The following CCDC77 variants were observed in gnomAD, a reference collection of about 807,000 sequenced individuals.
The protein encoded by CCDC77 is coiled-coil domain containing 77, also known as coiled-coil domain-containing protein 77.
CCDC77 carries 56 observed loss-of-function variants against 66.8 expected under a neutral mutation model. That is an observed-to-expected ratio of 0.84 (90% confidence interval 0.68 to 1.05). CCDC77 has a LOEUF of 1.05. Among genes scored for constraint, CCDC77 ranks in the 50% least tolerant of loss-of-function variants. CCDC77 has a pLI of 0.00. For missense variants in CCDC77, 570 were observed against 576.8 expected, an observed-to-expected ratio of 0.99 and a Z score of 0.12; for synonymous variants, 196 against 195.2, an observed-to-expected ratio of 1.00 and a Z score of -0.03.
intron 4 of CCDC77, among the ~76,000 whole-genome samples, chr12:416,377 GTATATATATATA>G (rs1167006549): frequency 5.8e-4 from 12 of 20,598 alleles, no homozygotes; most frequent in Admixed American, 2.5e-3. Context: ...GTGTGTGTGT[GTATATATATATA>G]TATATATATA....
upstream of CCDC77, among the ~76,000 whole-genome samples, chr12:398,542 C>T (rs551176252): frequency 4.6e-5 from 7 of 151,324 alleles, no homozygotes; most frequent in Middle Eastern, 6.8e-3. Flanking sequence ...CGGGTTCAAG[C>T]GATTCTCCTG....
chr12:400,561 G>A (rs935994810), upstream of CCDC77, among the ~76,000 whole-genome samples: 3 of 152,072 alleles, frequency 2.0e-5, no homozygotes, highest in African/African-American at 7.2e-5. Context: ...CAATATTGTT[G>A]TATCACAGGA....
chr12:410,536 G>T (rs1357639174), intron 3 of CCDC77, among the ~76,000 whole-genome samples: 1 of 144,082 alleles, frequency 6.9e-6, no homozygotes. Flanking sequence ...CCAAAGTGGT[G>T]GGATTACAGG....
intron 5 of CCDC77, among the ~76,000 whole-genome samples, chr12:423,569 C>T (rs1445526860): frequency 1.4e-5 from 2 of 144,124 alleles, no homozygotes; most frequent in South Asian, 2.2e-4. Context: ...GATCACAGCT[C>T]ACTGCAGCCT....
At chr12:412,056 T>C (rs1369277507) in intron 4 of CCDC77, 78 bp downstream of exon 4, 40 of 1,030,952 alleles carry the variant, frequency 3.9e-5, no homozygotes, top group Non-Finnish European at 4.9e-5. Context: ...TGCCAGTTTA[T>C]ATCAGAAGCA....
At chr12:403,639 C>T (rs977477434) in intron 1 of CCDC77, among the ~76,000 whole-genome samples, 3 of 152,184 alleles carry the variant, frequency 2.0e-5, no homozygotes, top group Non-Finnish European at 4.4e-5. Flanking sequence ...ACTACAGGCA[C>T]GTGCCACCAC....
chr12:389,589 C>CGGAACGAGGCGGG, intron 1 of CCDC77: 1 of 276,328 alleles, frequency 3.6e-6, no homozygotes, highest in Non-Finnish European at 7.1e-6. Context: ...CGGGGCGAGG[C>CGGAACGAGGCGGG]GCGACGCGAC....
At chr12:395,558 A>C (rs1944817195) in intron 1 of CCDC77, among the ~76,000 whole-genome samples, 1 of 152,078 alleles carries the variant, frequency 6.6e-6, no homozygotes, top group Admixed American at 6.5e-5. Flanking sequence ...TGGAAAAAAA[A>C]ACAATAAAAA....
At position 428,466 on chromosome 12, in the gene CCDC77, G is replaced by A. The variant is rs137905373; in HGVS notation, c.414-303G>A. 3.5e-3 allele frequency among the ~76,000 whole-genome samples: 442 copies of A among 125,290 alleles called. 12 individuals are homozygous for A. The East Asian group carries it at 0.078, about 22-fold the overall frequency. 82.2% of individuals were successfully genotyped at this position (125,290 alleles called of 152,430 possible). ...GCGGAGGTTGCAGTGAGCCAAGACC[G>A]CACCATTGCACTCCAGCCTGGACAA... On this transcript the variant is annotated intron_variant, in intron 5 of 12. Transcript: ENST00000239830.
At chr12:399,298 A>T (rs1206939311), upstream of CCDC77, among the ~76,000 whole-genome samples, 3 of 152,038 alleles carry the variant, frequency 2.0e-5, no homozygotes, top group Admixed American at 2.0e-4. Context: ...CAGCCTCCTG[A>T]GTAGCTGGGA....
chr12:430,429 C>A (rs1249372452), intron 6 of CCDC77, among the ~76,000 whole-genome samples: 1 of 150,812 alleles, frequency 6.6e-6, no homozygotes, highest in Non-Finnish European at 1.5e-5. Flanking sequence ...GTAGCGGGGA[C>A]CACAGGCACA....
chr12:431,937 C>G lies in CCDC77; in HGVS notation c.655C>G (p.Gln219Glu), dbSNP rs890796941. The stretch of plus-strand genomic sequence containing the variant: ...TTCTGAGCATTACCAAAGAGACATA[C>G]AGACACTCATCCTACAGGTAAAGAA... ...ESSEHYQRDI[Q>E]TLILQVEALQ... is the part of the protein sequence containing the mutation. The change falls in exon 8 of 13, where the codon CAG becomes GAG. Residue 219 changes from glutamine to glutamate, a missense_variant. Physicochemically the swap from Gln to Glu is conservative, Grantham distance 29. Coordinates refer to ENST00000239830, the MANE Select transcript of CCDC77 (RefSeq NM_032358.4). 4.4e-6 allele frequency: 7 copies of G among 1,609,164 alleles called. No individual in the cohort carries two copies. The highest frequency in any genetic ancestry group is 6.0e-6 in the Non-Finnish European group (7 of 1,176,456).
chr12:434,366 T>C (rs1565576827), intron 9 of CCDC77, among the ~76,000 whole-genome samples: 1 of 151,132 alleles, frequency 6.6e-6, no homozygotes, highest in Non-Finnish European at 1.5e-5. Flanking sequence ...TTTTTTTTTT[T>C]TTTGGAGACT....
chr12:408,835 T>C (rs567778060), intron 2 of CCDC77, among the ~76,000 whole-genome samples: 97 of 152,356 alleles, frequency 6.4e-4, no homozygotes, highest in African/African-American at 2.2e-3. Flanking sequence ...CTGATTTTTA[T>C]TTGAAAATAA....
At chr12:439,642 T>C (rs768650393) in intron 10 of CCDC77, among the ~76,000 whole-genome samples, 1 of 151,506 alleles carries the variant, frequency 6.6e-6, no homozygotes, top group Admixed American at 6.6e-5. Flanking sequence ...TAGCCAGGCG[T>C]GGTGGCGGAC....
At chr12:418,858 C>T in intron 5 of CCDC77, 1 of 475,644 alleles carries the variant, frequency 2.1e-6, no homozygotes. Context: ...ACTACAAGGC[C>T]TAGCTCATTT....
At chr12:419,651 CTGTG>C (rs72187328) in intron 5 of CCDC77, among the ~76,000 whole-genome samples, 1,035 of 47,592 alleles carry the variant, frequency 0.022, no homozygotes, top group South Asian at 0.034. Context: ...CAGTGCTCTT[CTGTG>C]TGTGTGTGCT....
chr12:404,557 C>T (rs986472639), intron 1 of CCDC77, among the ~76,000 whole-genome samples: 1 of 151,784 alleles, frequency 6.6e-6, no homozygotes, highest in Non-Finnish European at 1.5e-5. Flanking sequence ...TGTTTGAGTC[C>T]GGGAGTTCAA....
chr12:399,020 G>A (rs1423479917), upstream of CCDC77, among the ~76,000 whole-genome samples: 5 of 151,978 alleles, frequency 3.3e-5, no homozygotes, highest in Non-Finnish European at 2.9e-5. Context: ...CCAAAGTGCT[G>A]GGTTTACAGG....
Sources: allele counts gnomAD v4.1 joint callset (sites outside exome capture counted in the v4.1 genomes callset), GRCh38; gene constraint gnomAD v4.1.1; transcripts MANE v1.5; gene names NCBI Gene and HGNC (gene_info 2026-07-23, HGNC 2026-07-21).